The following SYNE3 variants were observed in gnomAD, a reference collection of about 807,000 sequenced individuals.
The protein encoded by SYNE3 is nesprin-3.
Under a neutral mutation model 111.2 loss-of-function variants are expected in SYNE3, and 100 were observed. The ratio of observed to expected loss-of-function variants is 0.90; its 90% CI spans 0.77 to 1.06. The LOEUF is 1.06. Among genes scored for constraint, SYNE3 ranks in the 50% least tolerant of loss-of-function variants. The pLI is 0.00. For missense variants in SYNE3, 1,160 were observed against 1,240.3 expected, an observed-to-expected ratio of 0.94 and a Z score of 0.97; for synonymous variants, 547 against 533.9, an observed-to-expected ratio of 1.02 and a Z score of -0.34.
rs150505944 is a variant in SYNE3, at chr14:95,496,948, T to C, written c.-15+19648A>G. Reference sequence around the variant, plus strand: ...TTTTTCTGATCCGGAGCCATTGTTTTCTTAGGGCTCTGCACTTGCTCTTTA... The same window carrying C: ...TTTTTCTGATCCGGAGCCATTGTTTCCTTAGGGCTCTGCACTTGCTCTTTA... On this transcript the variant is annotated intron_variant, in intron 1 of 17. Coordinates refer to ENST00000682763, the MANE Select transcript of SYNE3 (RefSeq NM_152592.6). Among the ~76,000 whole-genome samples, 270 of 152,370 alleles carry C rather than the reference T, an allele frequency of 1.8e-3. 2 individuals carry two copies. The highest frequency in any genetic ancestry group is 3.4e-3 in the Middle Eastern group (1 of 294).
At position 95,483,351 on chromosome 14, in the gene SYNE3, G is replaced by A. The variant is rs150415300; in HGVS notation, c.-14-7516C>T. Among the ~76,000 whole-genome samples, 1,228 of 152,264 alleles carry A rather than the reference G, an allele frequency of 8.1e-3. 10 individuals are homozygous for A. The highest frequency in any genetic ancestry group is 0.013 in the South Asian group (64 of 4,826). ...GCTGACCCAGAGTTCTGGCATGGGC[G>A]TGCTCGCTTGCCGTGACTCACTCGG... On this transcript the variant is annotated intron_variant, in intron 1 of 17. Coordinates refer to ENST00000682763, the MANE Select transcript of SYNE3 (RefSeq NM_152592.6).
intron 1 of SYNE3, among the ~76,000 whole-genome samples, chr14:95,514,833 A>G (rs1890855905): frequency 6.6e-6 from 1 of 152,206 alleles, no homozygotes; most frequent in South Asian, 2.1e-4. Context: ...GGGCCTGCCC[A>G]GTCTTGCCTC....
chr14:95,490,171 C>T (rs1226861321), intron 1 of SYNE3, among the ~76,000 whole-genome samples: 1 of 152,240 alleles, frequency 6.6e-6, no homozygotes, highest in Non-Finnish European at 1.5e-5. Context: ...GAAATACACG[C>T]TGCTGAGAGG....
Position 95,409,506 on chromosome 14 carries a change from A to G in SYNE3, c.*8320T>C. On this transcript the variant is annotated 3_prime_UTR_variant, in exon 18 of 18. Transcript: ENST00000682763. ...TCGGGGGAAACCGAGGTCCCTCCTT[A>G]TGATTGCTGTCTCTCGGCTGGACAA... The G allele has an allele frequency of 2.5e-6, 1 of 406,224 alleles. No homozygotes were observed. Among genetic ancestry groups the G allele is most frequent in the Non-Finnish European group, 4.9e-6 (1 of 205,644 alleles). 25.2% of individuals were successfully genotyped at this position (406,224 alleles called of 1,614,324 possible).
chr14:95,497,904 C>T (rs1045441191), intron 1 of SYNE3, among the ~76,000 whole-genome samples: 6 of 151,688 alleles, frequency 4.0e-5, no homozygotes, highest in African/African-American at 1.5e-4. Context: ...GCCTGTAATC[C>T]CCACAATTAG....
At chr14:95,418,775 T>C (rs1884905961) in intron 17 of SYNE3, among the ~76,000 whole-genome samples, 1 of 152,044 alleles carries the variant, frequency 6.6e-6, no homozygotes, top group Non-Finnish European at 1.5e-5. Context: ...GCTAATTGTT[T>C]TGTATTTTTA....
chr14:95,436,928 C>T lies in SYNE3; in HGVS notation c.2430G>A (p.Leu810=). 2 of 1,614,134 alleles carry T rather than the reference C, an allele frequency of 1.2e-6. No homozygotes were observed. The highest frequency in any genetic ancestry group is 1.1e-5 in the South Asian group (1 of 91,070). The change falls in exon 15 of 18, where the codon CTG becomes CTA. Residue 810 remains leucine (L), a synonymous_variant. Coordinates refer to ENST00000682763, the MANE Select transcript of SYNE3 (RefSeq NM_152592.6). ...EGSHEDFSQL[L]RNFGQWLQVE... ...CCTGCAACCACTGCCCAAAGTTCCT[C>T]AGGAGCTGGGAGAAATCTTCATGGC...
chr14:95,482,251 T>C (rs1184823753), intron 1 of SYNE3, among the ~76,000 whole-genome samples: 4 of 152,156 alleles, frequency 2.6e-5, no homozygotes, highest in Non-Finnish European at 5.9e-5. Flanking sequence ...CTGGCCAACA[T>C]GGTGAAACCC....
At chr14:95,436,420 C>T (rs144097578) in intron 15 of SYNE3, among the ~76,000 whole-genome samples, 1 of 152,326 alleles carries the variant, frequency 6.6e-6, no homozygotes, top group Non-Finnish European at 1.5e-5. Context: ...AGACACCCAA[C>T]TGACCTACAA....
chr14:95,464,529 C>A (rs1445030830), intron 4 of SYNE3, among the ~76,000 whole-genome samples: 1 of 151,920 alleles, frequency 6.6e-6, no homozygotes, highest in African/African-American at 2.4e-5. Context: ...AACAAACAAA[C>A]AAAAAAAACC....
intron 1 of SYNE3, among the ~76,000 whole-genome samples, chr14:95,496,055 T>G (rs961576335): frequency 2.6e-5 from 4 of 152,194 alleles, no homozygotes; most frequent in African/African-American, 9.7e-5. Flanking sequence ...CGGGAGAAGA[T>G]GAAGGCCATG....
intron 17 of SYNE3, among the ~76,000 whole-genome samples, chr14:95,427,577 C>T (rs1042169818): frequency 6.9e-6 from 1 of 145,710 alleles, no homozygotes; most frequent in African/African-American, 2.7e-5. Context: ...CTCTCTCTCT[C>T]CCTCTCTCTC....
chr14:95,456,490 C>T (rs1013015976), intron 5 of SYNE3, among the ~76,000 whole-genome samples: 3 of 152,190 alleles, frequency 2.0e-5, no homozygotes, highest in Non-Finnish European at 4.4e-5. Flanking sequence ...TTGCAGCATC[C>T]TTGGCCGCCA....
chr14:95,429,887 C>G, intron 17 of SYNE3: 1 of 973,974 alleles, frequency 1.0e-6, no homozygotes. Context: ...TCCCATCCCC[C>G]TCTCTCCACC....
intron 15 of SYNE3, among the ~76,000 whole-genome samples, chr14:95,434,818 C>T (rs375644983): frequency 1.2e-3 from 177 of 152,304 alleles, no homozygotes; most frequent in African/African-American, 4.0e-3. Context: ...CCACCATGCC[C>T]AGCTAATTTT....
chr14:95,479,682 C>T (rs1436113016), intron 1 of SYNE3, among the ~76,000 whole-genome samples: 11 of 152,138 alleles, frequency 7.2e-5, no homozygotes, highest in African/African-American at 2.2e-4. Flanking sequence ...CGGGGATGGA[C>T]GCACAGTAAG....
intron 17 of SYNE3, among the ~76,000 whole-genome samples, chr14:95,420,204 G>C (rs2139339263): frequency 6.6e-6 from 1 of 151,852 alleles, no homozygotes; most frequent in African/African-American, 2.4e-5. Context: ...TGGAGGGTGG[G>C]GGTGGGTGAC....
At chr14:95,494,192 C>T (rs559788564) in intron 1 of SYNE3, among the ~76,000 whole-genome samples, 74 of 152,198 alleles carry the variant, frequency 4.9e-4, no homozygotes, top group African/African-American at 1.3e-3. Flanking sequence ...GTGCCTGGCG[C>T]GGTGCCACTA....
In SYNE3 at chr14:95,436,885, C is replaced by T. The variant is rs1488765792; in HGVS notation, c.2473G>A (p.Val825Ile). Residue 825 changes from valine to isoleucine, a missense_variant, in exon 15 of 18, where the codon GTT (valine) becomes ATT (isoleucine). Coordinates refer to ENST00000682763, the MANE Select transcript of SYNE3 (RefSeq NM_152592.6). ...GAAGTTCTCATTGCGATGATTCTAACCAGCTTGGAGTTTTCCACCTGCAAC... is the reference window on the plus strand; with the variant it reads ...GAAGTTCTCATTGCGATGATTCTAATCAGCTTGGAGTTTTCCACCTGCAAC... ...QWLQVENSKL[V>I]RIIAMRTSTA... 5 of 1,614,062 alleles carry T rather than the reference C, an allele frequency of 3.1e-6. No homozygotes were observed. In the African/African-American group the frequency reaches 6.7e-5, roughly 22 times the overall value.
Sources: allele counts gnomAD v4.1 joint callset (sites outside exome capture counted in the v4.1 genomes callset), GRCh38; gene constraint gnomAD v4.1.1; transcripts MANE v1.5; gene names NCBI Gene and HGNC (gene_info 2026-07-23, HGNC 2026-07-21).